The following MKRN2OS variants were observed in gnomAD, a reference collection of about 807,000 sequenced individuals.
The protein encoded by MKRN2OS is MKRN2 opposite strand protein.
Under a neutral mutation model 18.2 loss-of-function variants are expected in MKRN2OS, and 17 were observed. The observed-to-expected ratio is 0.93, with a 90% CI of 0.64 to 1.40. The LOEUF (loss-of-function observed/expected upper bound fraction) is 1.40, where lower values mean the gene tolerates loss of function less well. MKRN2OS is among the 40% of genes most tolerant of loss of function. The pLI, the probability that MKRN2OS is intolerant of heterozygous loss-of-function variation, is 0.00. For synonymous variants in MKRN2OS, 121 were observed against 108.5 expected, an observed-to-expected ratio of 1.12 and a Z score of -0.72; for missense variants, 337 against 283.0, an observed-to-expected ratio of 1.19 and a Z score of -1.37.
downstream of MKRN2OS, among the ~76,000 whole-genome samples, chr3:12,551,950 GA>G (rs976725001): frequency 3.3e-5 from 5 of 149,608 alleles, no homozygotes; most frequent in Admixed American, 6.7e-5. Flanking sequence ...TCAGAAAAAA[GA>G]AAAAAAAATC....
intron 1 of MKRN2OS, among the ~76,000 whole-genome samples, chr3:12,555,272 A>G (rs1433942062): frequency 6.9e-6 from 1 of 144,412 alleles, no homozygotes; most frequent in Non-Finnish European, 1.5e-5. Flanking sequence ...AGAGCATGCC[A>G]CTGCACTCCA....
In MKRN2OS at chr3:12,540,270, T is replaced by G; in HGVS notation, c.595A>C (p.Ile199Leu). 10 of 1,536,082 alleles carry G rather than the reference T, an allele frequency of 6.5e-6. No individual in the cohort carries two copies. The highest frequency in any genetic ancestry group is 8.7e-6 in the Non-Finnish European group (10 of 1,146,890). ...GTGACGTAGAAGCCATGCTCCCGTA[T>G]CGCCCGGTAGAGTGTGATGAACTTG... ...ASKFITLYRA[I>L]REHGFYVTDC... Residue 199 changes from isoleucine (I) to leucine (L), a missense_variant, in exon 4 of 4, where the codon ATA becomes CTA. Transcript: ENST00000564146.
At chr3:12,559,569 G>C (rs573757998) in intron 1 of MKRN2OS, among the ~76,000 whole-genome samples, 1 of 152,222 alleles carries the variant, frequency 6.6e-6, no homozygotes, top group South Asian at 2.1e-4. Context: ...TAGATATTAT[G>C]TATCTCCAAG....
At chr3:12,544,470 A>G (rs11720068) in intron 1 of MKRN2OS, among the ~76,000 whole-genome samples, 26,375 of 151,852 alleles carry the variant, frequency 0.17, 2,633 homozygotes, top group African/African-American at 0.25. Context: ...GAGGTCAGGA[A>G]TTTGAGCCCA....
Position 12,540,211 on chromosome 3 carries a change from C to T in MKRN2OS, c.654G>A (p.Glu218=), listed in dbSNP as rs147021389. The T allele has an allele frequency of 2.6e-4, 392 of 1,536,138 alleles. 1 individual carries two copies. In the African/African-American group the frequency reaches 4.8e-3, roughly 19 times the overall value. The change falls in exon 4 of 4, where the codon GAG becomes GAA. Residue 218 remains glutamate (E), a synonymous_variant. Coordinates refer to ENST00000564146, the MANE Select transcript of MKRN2OS (RefSeq NM_001195279.2). The part of the protein sequence containing the change: ...DCPQQQAQPP[E]GGGLC ...ATAGCTCTCAGCACAAACCGCCGCCCTCAGGGGGTTGTGCCTGCTGCTGGG... is the reference window on the plus strand; with the variant it reads ...ATAGCTCTCAGCACAAACCGCCGCCTTCAGGGGGTTGTGCCTGCTGCTGGG...
At chr3:12,557,021 G>T in intron 1 of MKRN2OS, 1 of 1,096,262 alleles carries the variant, frequency 9.1e-7, no homozygotes, top group South Asian at 3.1e-5. Flanking sequence ...TGCCACACCG[G>T]AGGGGCGGCG....
At chr3:12,541,760 G>T in intron 3 of MKRN2OS, 100 bp downstream of exon 3, 1 of 1,234,290 alleles carries the variant, frequency 8.1e-7, no homozygotes, top group Non-Finnish European at 1.1e-6. Flanking sequence ...TCAACATGAA[G>T]CTAAGTGCTG....
At chr3:12,547,576 T>A (rs149638812), upstream of MKRN2OS, among the ~76,000 whole-genome samples, 1,255 of 152,240 alleles carry the variant, frequency 8.2e-3, 11 homozygotes, top group Non-Finnish European at 0.012. Context: ...TATTGTATAC[T>A]GTTTTGAAAT....
At position 12,543,892 on chromosome 3, in the gene MKRN2OS, C is replaced by CA. The variant is rs10539183; in HGVS notation, c.219-664dup. ...GGGCAACAGAGTAAGACCCTGGTCTCAAAAAAAAAAAAAAAAATAACAGTT... is the reference window on the plus strand; with the variant it reads ...GGGCAACAGAGTAAGACCCTGGTCTCAAAAAAAAAAAAAAAAAATAACAGTT... On this transcript the variant is annotated intron_variant, in intron 1 of 3. Coordinates refer to ENST00000564146, the MANE Select transcript of MKRN2OS (RefSeq NM_001195279.2). 4.7e-3 allele frequency among the ~76,000 whole-genome samples: 594 copies of CA among 127,168 alleles called. 11 individuals carry two copies. The East Asian group carries it at 0.075, about 16-fold the overall frequency. The allele number at this position is 127,168 out of a possible 152,430, so 83.4% of individuals were successfully genotyped here.
At chr3:12,543,265 A>G (rs1249912176) in intron 1 of MKRN2OS, 36 bp from the exon 2 acceptor site, 5 of 1,513,544 alleles carry the variant, frequency 3.3e-6, no homozygotes, top group Non-Finnish European at 4.4e-6. Flanking sequence ...TTTGGTTTGC[A>G]TGTATTTGGC....
At position 12,557,017 on chromosome 3, in the gene MKRN2OS, A is replaced by AC. The variant is rs1356913739; in HGVS notation, n.265-2884dup. 5.0e-6 allele frequency: 5 copies of AC among 998,904 alleles called. No individual in the cohort carries two copies. In the African/African-American group the frequency reaches 8.4e-5, roughly 17 times the overall value. 61.9% of individuals were successfully genotyped at this position (998,904 alleles called of 1,614,324 possible). A position where few individuals can be genotyped will look rare whatever the true frequency, so the allele number is the denominator to read the frequency against. ...CCCGCCGGCGCTACAAAGGTGCCAC[A>AC]CCGGAGGGGCGGCGTGCGCCGGCGT... On this transcript the variant is annotated intron_variant and non_coding_transcript_variant, in intron 1 of 1. Transcript: ENST00000447550.
upstream of MKRN2OS, among the ~76,000 whole-genome samples, chr3:12,546,626 G>A (rs939254350): frequency 7.4e-6 from 1 of 135,700 alleles, no homozygotes; most frequent in Non-Finnish European, 1.5e-5. Flanking sequence ...TTGTCGCCAG[G>A]CTGGAGTGCA....
At chr3:12,560,406 C>T (rs2058026528) in intron 1 of MKRN2OS, among the ~76,000 whole-genome samples, 1 of 151,752 alleles carries the variant, frequency 6.6e-6, no homozygotes. Flanking sequence ...TGCTTCCTTC[C>T]CCCTCAGTGG....
At chr3:12,544,908 A>G (rs1343477339) in intron 1 of MKRN2OS, among the ~76,000 whole-genome samples, 9 of 152,204 alleles carry the variant, frequency 5.9e-5, no homozygotes, top group Admixed American at 5.2e-4. Flanking sequence ...CTGAAACTAC[A>G]AATTAACTGA....
At chr3:12,547,996 A>G (rs1263642193), upstream of MKRN2OS, among the ~76,000 whole-genome samples, 1 of 151,436 alleles carries the variant, frequency 6.6e-6, no homozygotes, top group African/African-American at 2.4e-5. Flanking sequence ...AAGACCTGAG[A>G]TTGTTCATTA....
downstream of MKRN2OS, among the ~76,000 whole-genome samples, chr3:12,550,896 C>A (rs1334874222): frequency 6.6e-6 from 1 of 152,176 alleles, no homozygotes; most frequent in Non-Finnish European, 1.5e-5. Context: ...CGAATACATT[C>A]CCTAGTGGGT....
chr3:12,549,983 C>T (rs2057917057), upstream of MKRN2OS, among the ~76,000 whole-genome samples: 1 of 152,208 alleles, frequency 6.6e-6, no homozygotes, highest in African/African-American at 2.4e-5. Context: ...CAGGAACTCT[C>T]ATTGCTGGTG....
chr3:12,550,025 T>C (rs73126384), upstream of MKRN2OS, among the ~76,000 whole-genome samples: 1,725 of 152,244 alleles, frequency 0.011, 26 homozygotes, highest in African/African-American at 0.039. Flanking sequence ...ATTTGGAAAA[T>C]AGTCTGCCAG....
chr3:12,545,853 C>G (rs11922782), upstream of MKRN2OS, among the ~76,000 whole-genome samples: 1 of 152,202 alleles, frequency 6.6e-6, no homozygotes, highest in South Asian at 2.1e-4. Flanking sequence ...GTCACCCAAG[C>G]TAGAGTGCAG....
Sources: gnomAD v4.1 joint callset for allele counts (sites outside exome capture counted in the v4.1 genomes callset) on GRCh38, gnomAD v4.1.1 for gene constraint, MANE v1.5 for transcripts, NCBI Gene and HGNC (gene_info 2026-07-23, HGNC 2026-07-21) for gene names.